GALNT13: variants seen among roughly 807,000 people sequenced by gnomAD.
GALNT13 encodes the protein UDP-GalNAc:polypeptide N-acetylgalactosaminyltransferase 13.
GALNT13 carries 28 observed loss-of-function variants against 64.2 expected under a neutral mutation model. That is an observed-to-expected ratio of 0.44 (90% confidence interval 0.32 to 0.60). The LOEUF is 0.60. Among genes scored for constraint, GALNT13 ranks in the 20% least tolerant of loss-of-function variants. The pLI is 0.05. For missense variants in GALNT13, 577 were observed against 669.8 expected (o/e 0.86, Z 1.53); for synonymous variants, 214 against 224.6 (o/e 0.95, Z 0.42).
the GALNT13 span, among the ~76,000 whole-genome samples, chr2:153,305,942 C>T: frequency 1.3e-5 from 2 of 152,156 alleles, no homozygotes; most frequent in Non-Finnish European, 2.9e-5. Context: ...ATAGGTTTTG[C>T]CGTGTTCTCC....
chr2:153,709,169 G>C, the GALNT13 span, among the ~76,000 whole-genome samples: 3 of 151,912 alleles, frequency 2.0e-5, no homozygotes, highest in African/African-American at 7.2e-5. Flanking sequence ...TATAGCAAAG[G>C]AAACAGCAAG....
chr2:154,414,124 T>G (rs2105404972), intron 11 of GALNT13, among the ~76,000 whole-genome samples: 1 of 152,156 alleles, frequency 6.6e-6, no homozygotes, highest in African/African-American at 2.4e-5. Flanking sequence ...ATTTACTTCT[T>G]TAGAAATATG....
At chr2:153,361,239 G>A in the GALNT13 span, among the ~76,000 whole-genome samples, 1 of 151,988 alleles carries the variant, frequency 6.6e-6, no homozygotes, top group Non-Finnish European at 1.5e-5. Flanking sequence ...ATTGAAACTA[G>A]GCAAACTCAT....
chr2:154,296,388 G>A (rs1692926280), intron 8 of GALNT13, among the ~76,000 whole-genome samples: 1 of 152,206 alleles, frequency 6.6e-6, no homozygotes, highest in Non-Finnish European at 1.5e-5. Flanking sequence ...CAACTGTCCA[G>A]CTGGGAGAGA....
intron 9 of GALNT13, among the ~76,000 whole-genome samples, chr2:154,323,469 C>T (rs984854886): frequency 6.6e-6 from 1 of 151,930 alleles, no homozygotes; most frequent in Non-Finnish European, 1.5e-5. Flanking sequence ...ACAACTATTG[C>T]ATTTTGTTTA....
At chr2:153,516,237 T>C in the GALNT13 span, among the ~76,000 whole-genome samples, 1 of 152,224 alleles carries the variant, frequency 6.6e-6, no homozygotes, top group Non-Finnish European at 1.5e-5. Context: ...ATATAGCTAA[T>C]ATCCTTTTTG....
At chr2:154,288,941 A>AG (rs1692440166) in intron 8 of GALNT13, among the ~76,000 whole-genome samples, 1 of 152,212 alleles carries the variant, frequency 6.6e-6, no homozygotes, top group South Asian at 2.1e-4. Flanking sequence ...GACAATGCCC[A>AG]GGGGGGACTC....
the GALNT13 span, among the ~76,000 whole-genome samples, chr2:153,239,036 T>C: frequency 6.6e-6 from 1 of 152,126 alleles, no homozygotes; most frequent in Non-Finnish European, 1.5e-5. Context: ...TTTATAGTTT[T>C]CTTTGTAGAA....
chr2:154,098,175 G>A (rs1702168539), intron 3 of GALNT13, among the ~76,000 whole-genome samples: 1 of 146,958 alleles, frequency 6.8e-6, no homozygotes, highest in Non-Finnish European at 1.5e-5. Context: ...TATTTTGAAC[G>A]GCACTGACCT....
At chr2:153,359,886 C>T in the GALNT13 span, among the ~76,000 whole-genome samples, 12 of 151,882 alleles carry the variant, frequency 7.9e-5, no homozygotes, top group South Asian at 2.1e-4. Flanking sequence ...AATTGAAATA[C>T]GAGAAATGAA....
Position 154,172,876 on chromosome 2 carries a change from T to G in GALNT13, c.311+32371T>G, listed in dbSNP as rs192770330. The stretch of plus-strand genomic sequence containing the variant: ...TGCTCGTGGATTGGAAGAATTAATA[T>G]TGTTAAAATAACAATACTACCCAAA... On this transcript the variant is annotated intron_variant, in intron 4 of 12. Transcript: ENST00000392825. Among the ~76,000 whole-genome samples, 10 of 152,158 alleles carry G rather than the reference T, an allele frequency of 6.6e-5. No homozygotes were observed. In the East Asian group the frequency reaches 1.9e-3, roughly 29 times the overall value.
intron 12 of GALNT13, among the ~76,000 whole-genome samples, chr2:154,443,823 T>G (rs73003060): frequency 0.16 from 24,426 of 152,070 alleles, 2,508 homozygotes; most frequent in East Asian, 0.33. Flanking sequence ...ATTTTTCTTA[T>G]GTATTTTTAC....
chr2:153,994,323 A>G (rs1253938228), intron 3 of GALNT13, among the ~76,000 whole-genome samples: 2 of 152,172 alleles, frequency 1.3e-5, no homozygotes, highest in Non-Finnish European at 2.9e-5. Flanking sequence ...TCATTGATGG[A>G]CATTTGGGTT....
intron 8 of GALNT13, among the ~76,000 whole-genome samples, chr2:154,296,327 A>T (rs1417191447): frequency 1.3e-5 from 2 of 152,198 alleles, no homozygotes; most frequent in Non-Finnish European, 2.9e-5. Context: ...CTCTGAACAC[A>T]TTCTTCTCTG....
the GALNT13 span, among the ~76,000 whole-genome samples, chr2:153,791,115 T>C: frequency 1.3e-5 from 2 of 152,160 alleles, no homozygotes; most frequent in Non-Finnish European, 2.9e-5. Context: ...ATTTGCAAAC[T>C]ATCCATCTGA....
At chr2:153,616,440 G>A in the GALNT13 span, among the ~76,000 whole-genome samples, 1 of 151,694 alleles carries the variant, frequency 6.6e-6, no homozygotes, top group Non-Finnish European at 1.5e-5. Context: ...TTCATTTTAG[G>A]ATTTTTTTTC....
In GALNT13 at chr2:153,995,463, G is replaced by A. The variant is rs189399611; in HGVS notation, c.142+50824G>A. 7.0e-4 allele frequency among the ~76,000 whole-genome samples: 106 copies of A among 152,142 alleles called. 2 individuals are homozygous for A. The East Asian group carries it at 0.015, about 22-fold the overall frequency. On this transcript the variant is annotated intron_variant, in intron 3 of 12. Transcript: ENST00000392825. ...TGTCATTTCTCTCAGGAGCTCAGGG[G>A]CAACTTAAAGATATTCTCAGTTATT...
chr2:153,703,283 T>A, the GALNT13 span, among the ~76,000 whole-genome samples: 130 of 152,318 alleles, frequency 8.5e-4, no homozygotes, highest in African/African-American at 3.0e-3. Context: ...CTTAATTTTT[T>A]AATTTTAAGT....
chr2:153,115,637 GTCTA>G, the GALNT13 span, among the ~76,000 whole-genome samples: 37 of 152,238 alleles, frequency 2.4e-4, no homozygotes, highest in African/African-American at 7.0e-4. Context: ...TTGTGTCTGT[GTCTA>G]TCTGTTTTCT....
Sources: allele counts gnomAD v4.1 joint callset (sites outside exome capture counted in the v4.1 genomes callset), GRCh38; gene constraint gnomAD v4.1.1; transcripts MANE v1.5; gene names NCBI Gene and HGNC (gene_info 2026-07-23, HGNC 2026-07-21).